The following CNOT6 variants were observed in gnomAD, a reference collection of about 807,000 sequenced individuals.
CNOT6 encodes carbon catabolite repression 4 protein.
CNOT6 carries 12 observed loss-of-function variants against 61.2 expected under a neutral mutation model. The observed-to-expected ratio is 0.20, with a 90% CI of 0.13 to 0.32. CNOT6 has a LOEUF of 0.32. Ranked by LOEUF, CNOT6 falls within the 10% of genes least tolerant of loss-of-function variation. The probability of loss-of-function intolerance (pLI) is 1.00; values close to 1 mark genes in which losing one functional copy is unlikely to be tolerated. For synonymous variants in CNOT6, 225 were observed against 240.6 expected, an observed-to-expected ratio of 0.94 and a Z score of 0.60; for missense variants, 405 against 663.9, an observed-to-expected ratio of 0.61 and a Z score of 4.28.
At chr5:180,564,957 A>G (rs986929093) in intron 6 of CNOT6, among the ~76,000 whole-genome samples, 1 of 152,244 alleles carries the variant, frequency 6.6e-6, no homozygotes, top group Non-Finnish European at 1.5e-5. Flanking sequence ...GTGCTTCTCA[A>G]ACGGGCAGTT....
At chr5:180,531,634 G>A (rs1433795550) in intron 2 of CNOT6, among the ~76,000 whole-genome samples, 2 of 152,218 alleles carry the variant, frequency 1.3e-5, no homozygotes, top group African/African-American at 2.4e-5. Context: ...CAAGGCAGGC[G>A]GCTGGGAGGT....
In CNOT6 at chr5:180,567,895, A is replaced by C; in HGVS notation, c.919A>C (p.Met307Leu). The C allele has an allele frequency of 1.2e-6, 2 of 1,614,130 alleles. No homozygotes were observed. Among genetic ancestry groups the C allele is most frequent in the South Asian group, 2.2e-5 (2 of 91,082 alleles). ...KHTVEFNQLA[M>L]ANSEGSEAML... The stretch of plus-strand genomic sequence containing the variant: ...CACTGTTGAATTTAATCAGCTAGCC[A>C]TGGCAAATTCTGAGGGGTCTGAAGC... The change falls in exon 9 of 12, where the codon ATG (methionine) becomes CTG (leucine). Residue 307 changes from methionine (M) to leucine (L), a missense_variant. Coordinates refer to ENST00000261951, the MANE Select transcript of CNOT6 (RefSeq NM_001370472.1).
chr5:180,528,732 T>G (rs1176123389), intron 1 of CNOT6, among the ~76,000 whole-genome samples: 1 of 152,222 alleles, frequency 6.6e-6, no homozygotes, highest in African/African-American at 2.4e-5. Context: ...TCAGATTGTC[T>G]CATAGTTGGT....
chr5:180,506,179 A>G (rs957214367), intron 1 of CNOT6, among the ~76,000 whole-genome samples: 1 of 152,200 alleles, frequency 6.6e-6, no homozygotes, highest in Non-Finnish European at 1.5e-5. Context: ...ATCTTGGGTA[A>G]ATTGCATAAA....
intron 1 of CNOT6, among the ~76,000 whole-genome samples, chr5:180,519,679 G>A (rs533120348): frequency 1.1e-4 from 17 of 151,686 alleles, no homozygotes; most frequent in Admixed American, 1.1e-3. Context: ...GATTTTTATC[G>A]CCACAAATAC....
intron 1 of CNOT6, among the ~76,000 whole-genome samples, chr5:180,513,035 A>G (rs148256447): frequency 0.011 from 1,652 of 152,196 alleles, 19 homozygotes; most frequent in Non-Finnish European, 0.018. Context: ...AGCTGGGACT[A>G]CAGGTGCCCG....
At chr5:180,495,369 C>T (rs1230506035) in intron 1 of CNOT6, 1 of 152,238 alleles carries the variant, frequency 6.6e-6, no homozygotes, top group Non-Finnish European at 1.5e-5. Flanking sequence ...CTGGTTTCTA[C>T]AAGCAGTTTT....
intron 1 of CNOT6, among the ~76,000 whole-genome samples, chr5:180,528,264 GT>G (rs1381193184): frequency 6.6e-6 from 1 of 152,240 alleles, no homozygotes; most frequent in Middle Eastern, 3.4e-3. Context: ...CACTCACCTA[GT>G]TTCTGCCAGA....
intron 4 of CNOT6, among the ~76,000 whole-genome samples, chr5:180,557,108 G>A (rs557458740): frequency 6.6e-6 from 1 of 152,308 alleles, no homozygotes; most frequent in African/African-American, 2.4e-5. Context: ...AGTAGTCTAT[G>A]ATATAAATGT....
At chr5:180,533,341 T>TATATATATATATATAC in intron 2 of CNOT6, among the ~76,000 whole-genome samples, 1 of 141,418 alleles carries the variant, frequency 7.1e-6, no homozygotes, top group East Asian at 2.1e-4. Flanking sequence ...TATATATATA[T>TATATATATATATATAC]ATCACCGTAA....
At chr5:180,513,271 C>T (rs1581480096) in intron 1 of CNOT6, among the ~76,000 whole-genome samples, 1 of 152,176 alleles carries the variant, frequency 6.6e-6, no homozygotes, top group East Asian at 1.9e-4. Context: ...CTCACTGCAG[C>T]CTCCACCTCC....
chr5:180,531,616 TG>T (rs1758384548), intron 2 of CNOT6, among the ~76,000 whole-genome samples: 2 of 152,104 alleles, frequency 1.3e-5, no homozygotes, highest in Non-Finnish European at 2.9e-5. Context: ...CTCAGCACTT[TG>T]GGAGGCCAAG....
At chr5:180,529,102 G>A (rs1208933035) in intron 1 of CNOT6, among the ~76,000 whole-genome samples, 173 bp from the exon 2 acceptor site, 1 of 151,768 alleles carries the variant, frequency 6.6e-6, no homozygotes, top group Non-Finnish European at 1.5e-5. Context: ...CCAGCTACTT[G>A]GGAGGCTGAG....
chr5:180,536,485 A>G (rs1415771264), intron 2 of CNOT6, among the ~76,000 whole-genome samples: 2 of 152,080 alleles, frequency 1.3e-5, no homozygotes, highest in Non-Finnish European at 2.9e-5. Flanking sequence ...GAGATAAGAT[A>G]TCATTGTTCT....
At chr5:180,508,017 A>G (rs1189773878) in intron 1 of CNOT6, among the ~76,000 whole-genome samples, 1 of 152,060 alleles carries the variant, frequency 6.6e-6, no homozygotes, top group East Asian at 1.9e-4. Context: ...TTGACATGAC[A>G]TTTGGGTGGG....
intron 9 of CNOT6, 58 bp from the exon 10 acceptor site, chr5:180,569,052 T>C (rs564142808): frequency 7.9e-7 from 1 of 1,272,472 alleles, no homozygotes; most frequent in East Asian, 2.4e-5. Flanking sequence ...GCTGTAAGAA[T>C]ATATGGGCTG....
At position 180,564,415 on chromosome 5, in the gene CNOT6, AT is replaced by A. The variant is rs1355082715; in HGVS notation, c.386-70del. The A allele has an allele frequency of 6.2e-6, 6 of 969,912 alleles. No individual in the cohort carries two copies. In the African/African-American group the frequency reaches 9.9e-5, roughly 16 times the overall value. 60.1% of individuals were successfully genotyped at this position (969,912 alleles called of 1,614,324 possible). On this transcript the variant is annotated intron_variant, in intron 4 of 11. Transcript: ENST00000261951. ...TAACATAGTTATGGATGATCTGATA[AT>A]TTTGATACATTTTAAAATTTTGAAA...
At chr5:180,534,668 C>T (rs1181317186) in intron 2 of CNOT6, 1 of 146,748 alleles carries the variant, frequency 6.8e-6, no homozygotes, top group Non-Finnish European at 1.5e-5. Flanking sequence ...CGCTGGGGTC[C>T]GAGAGGCCCT....
chr5:180,513,447 AC>A (rs1434182180), intron 1 of CNOT6, among the ~76,000 whole-genome samples: 2 of 151,140 alleles, frequency 1.3e-5, no homozygotes, highest in Non-Finnish European at 3.0e-5. Flanking sequence ...ACTCATTGCA[AC>A]CTCCGCCTCC....
Sources: gnomAD v4.1 joint callset for allele counts (sites outside exome capture counted in the v4.1 genomes callset) on GRCh38, gnomAD v4.1.1 for gene constraint, MANE v1.5 for transcripts, NCBI Gene and HGNC (gene_info 2026-07-23, HGNC 2026-07-21) for gene names.